The following KALRN variants were observed in gnomAD, a reference collection of about 807,000 sequenced individuals.
KALRN encodes the protein kalirin.
A neutral mutation model predicts 353.7 loss-of-function variants in KALRN; 70 were observed. The observed-to-expected ratio is 0.20, with a 90% CI of 0.16 to 0.24. The LOEUF (loss-of-function observed/expected upper bound fraction) is 0.24, where lower values mean the gene tolerates loss of function less well. Among genes scored for constraint, KALRN ranks in the 10% least tolerant of loss-of-function variants. The pLI is 1.00. For synonymous variants in KALRN, 1,391 were observed against 1,434.8 expected (o/e 0.97, Z 0.69); for missense variants, 2,791 against 3,756.7 (o/e 0.74, Z 6.72).
chr3:124,621,744 G>A (rs597184), intron 34 of KALRN, among the ~76,000 whole-genome samples: 110,179 of 152,242 alleles, frequency 0.72, 40,509 homozygotes, highest in East Asian at 0.87. Context: ...GAAGCCAGCC[G>A]TGCCAGAACC....
At chr3:124,706,657 C>T (rs1474892088) in intron 57 of KALRN, among the ~76,000 whole-genome samples, 1 of 151,968 alleles carries the variant, frequency 6.6e-6, no homozygotes, top group Admixed American at 6.5e-5. Flanking sequence ...GCAACATCTA[C>T]CTCCCAGGTT....
At chr3:124,434,245 C>A in intron 16 of KALRN, 62 bp from the exon 17 acceptor site, 1 of 1,324,610 alleles carries the variant, frequency 7.5e-7, no homozygotes, top group Admixed American at 1.7e-5. Flanking sequence ...CCTCACTCCA[C>A]CCCCTCCCAT....
chr3:124,155,079 C>T (rs973738040), intron 1 of KALRN, among the ~76,000 whole-genome samples: 2 of 152,128 alleles, frequency 1.3e-5, no homozygotes, highest in African/African-American at 4.8e-5. Context: ...AAACTGGATC[C>T]CTTCCTTACA....
At chr3:124,368,198 CCA>C (rs1172477263) in intron 10 of KALRN, among the ~76,000 whole-genome samples, 1 of 85,210 alleles carries the variant, frequency 1.2e-5, no homozygotes, top group Non-Finnish European at 2.4e-5. Context: ...GGCTGACCCC[CCA>C]CACCTCCCTC....
intron 10 of KALRN, among the ~76,000 whole-genome samples, chr3:124,347,688 C>G (rs1455075284): frequency 6.6e-6 from 1 of 152,058 alleles, no homozygotes; most frequent in Non-Finnish European, 1.5e-5. Context: ...ATTGTCACTG[C>G]CAGTGAGTGA....
rs538986060 is a variant in KALRN at position 124,719,922 on chromosome 3, T to A, written c.*452T>A. On this transcript the variant is annotated 3_prime_UTR_variant, in exon 60 of 60. Transcript: ENST00000682506. The surrounding 1 kb of genome is among the most constrained non-coding windows in gnomAD (Gnocchi z 5.3). ...TTTAGATAACTTAGATATAGTTTCT[T>A]AATAGGATAGATACCCACATACAGT... 1 of 168,332 alleles carries A rather than the reference T, an allele frequency of 5.9e-6. No homozygotes were observed. The highest frequency in any genetic ancestry group is 5.5e-5 in the Admixed American group (1 of 18,204). The allele number at this position is 168,332 out of a possible 1,614,324, so 10.4% of individuals were successfully genotyped here. A position where few individuals can be genotyped will look rare whatever the true frequency, so the allele number is the denominator to read the frequency against.
chr3:124,518,388 T>C (rs930634715), intron 33 of KALRN: 1 of 1,613,120 alleles, frequency 6.2e-7, no homozygotes, highest in Admixed American at 1.7e-5. Context: ...AGCCCGGCCC[T>C]TTTCTTAACA....
At chr3:124,433,596 T>TAAAAAAAAAAA (rs144487793) in intron 16 of KALRN, among the ~76,000 whole-genome samples, 2 of 95,128 alleles carry the variant, frequency 2.1e-5, no homozygotes, top group African/African-American at 4.0e-5. Flanking sequence ...AGACCCTGTC[T>TAAAAAAAAAAA]AAAAAAAAAA....
Position 124,223,063 on chromosome 3 carries a change from T to G in KALRN, c.74-4927T>G, listed in dbSNP as rs571821264. ...TCTTTAAGAAGCTCTTTTTTTTTTT[T>G]TTAGTCTCCTTGCATTTTGTACAGG... On this transcript the variant is annotated intron_variant, in intron 1 of 59. Transcript: ENST00000682506. Among the ~76,000 whole-genome samples the G allele has an allele frequency of 1.6e-3, 236 of 152,022 alleles. 1 individual carries two copies. The highest frequency in any genetic ancestry group is 2.9e-3 in the Non-Finnish European group (199 of 67,998).
chr3:124,237,596 C>T (rs1446565041), intron 3 of KALRN, among the ~76,000 whole-genome samples: 1 of 152,112 alleles, frequency 6.6e-6, no homozygotes, highest in Non-Finnish European at 1.5e-5. Flanking sequence ...CTCCTGACCT[C>T]AAGTGATACA....
At chr3:124,643,191 T>A (rs1468949453) in intron 37 of KALRN, among the ~76,000 whole-genome samples, 1 of 152,158 alleles carries the variant, frequency 6.6e-6, no homozygotes, top group African/African-American at 2.4e-5. Flanking sequence ...TTGTTTTTGT[T>A]TTGTGGAGGC....
intron 33 of KALRN, among the ~76,000 whole-genome samples, chr3:124,542,036 C>A (rs545598365): frequency 6.6e-6 from 1 of 152,324 alleles, no homozygotes; most frequent in African/African-American, 2.4e-5. Context: ...AGTGCCCACC[C>A]TAGTCCAATC....
intron 6 of KALRN, among the ~76,000 whole-genome samples, chr3:124,316,738 A>T (rs991178747): frequency 6.6e-6 from 1 of 152,226 alleles, no homozygotes; most frequent in East Asian, 1.9e-4. Context: ...TATAGTAAAT[A>T]TTTATTAATT....
At chr3:124,106,471 A>C (rs775281745) in intron 1 of KALRN, among the ~76,000 whole-genome samples, 1 of 152,116 alleles carries the variant, frequency 6.6e-6, no homozygotes, top group Non-Finnish European at 1.5e-5. Context: ...ATGACTGAAA[A>C]GTATAGCAGC....
intron 22 of KALRN, among the ~76,000 whole-genome samples, chr3:124,455,879 C>A (rs951230006): frequency 6.6e-6 from 1 of 152,180 alleles, no homozygotes; most frequent in Non-Finnish European, 1.5e-5. Context: ...GGGTTAGTAA[C>A]CTGTGAATTA....
At chr3:124,573,646 A>G (rs1326389644) in intron 34 of KALRN, among the ~76,000 whole-genome samples, 1 of 152,032 alleles carries the variant, frequency 6.6e-6, no homozygotes, top group African/African-American at 2.4e-5. Flanking sequence ...TGGGACTACA[A>G]GTGCGAGCCA....
In KALRN at chr3:124,056,023, G is replaced by A. The variant is rs529538617; in HGVS notation, c.73+22210G>A. Among the ~76,000 whole-genome samples the A allele has an allele frequency of 4.6e-5, 7 of 152,304 alleles. No homozygotes were observed. In the East Asian group the frequency reaches 1.4e-3, roughly 29 times the overall value. On this transcript the variant is annotated intron_variant, in intron 1 of 59. Coordinates refer to ENST00000682506, the MANE Select transcript of KALRN (RefSeq NM_001388419.1). ...GACCTTCCTATATGTCAGGTTGAAT[G>A]GTGAGAGCCTTGTGAATTCCTGGAG...
At chr3:124,205,722 T>C (rs1321657099) in intron 1 of KALRN, among the ~76,000 whole-genome samples, 1 of 152,138 alleles carries the variant, frequency 6.6e-6, no homozygotes. Context: ...ATCAGAACAA[T>C]AACAGTATAG....
Position 124,152,371 on chromosome 3 carries a change from A to G in KALRN, c.74-75619A>G, listed in dbSNP as rs2068236839. The G allele has an allele frequency of 5.8e-6, 7 of 1,200,080 alleles. No individual in the cohort carries two copies. In the Admixed American group the frequency reaches 1.0e-4, roughly 17 times the overall value. 74.3% of individuals were successfully genotyped at this position (1,200,080 alleles called of 1,614,324 possible). ...TTGACGAAGGCGAAGAAGCTGCAAC[A>G]CCTTTCGGACCTTTGGGCTCACACT... On this transcript the variant is annotated intron_variant, in intron 1 of 59. Transcript: ENST00000682506.
Sources: gnomAD v4.1 joint callset for allele counts (sites outside exome capture counted in the v4.1 genomes callset) on GRCh38, gnomAD v4.1.1 for gene constraint, Gnocchi (gnomAD v3.1) non-coding constraint, MANE v1.5 for transcripts, NCBI Gene and HGNC (gene_info 2026-07-23, HGNC 2026-07-21) for gene names.